Variants in NR5A2 observed in about 807,000 individuals in gnomAD.
NR5A2 encodes nuclear receptor subfamily 5 group A member 2.
In NR5A2, 26 loss-of-function variants were observed where a neutral mutation model predicts 62.7. That is an observed-to-expected ratio of 0.41 (90% CI 0.30 to 0.58). The LOEUF (loss-of-function observed/expected upper bound fraction) is 0.58, where lower values mean the gene tolerates loss of function less well. NR5A2 is among the 20% of genes least tolerant of loss of function. The pLI, the probability that NR5A2 is intolerant of heterozygous loss-of-function variation, is 0.22. For missense variants in NR5A2, 541 were observed against 669.1 expected (o/e 0.81, Z 2.11); for synonymous variants, 246 against 241.7 (o/e 1.02, Z -0.16).
At chr1:200,125,046 A>G (rs1486768715) in intron 7 of NR5A2, among the ~76,000 whole-genome samples, 2 of 152,226 alleles carry the variant, frequency 1.3e-5, no homozygotes, top group Non-Finnish European at 2.9e-5. Context: ...ACTTTTTCCA[A>G]AGAACTCTCT....
chr1:200,108,216 C>T (rs1225001826), intron 5 of NR5A2, among the ~76,000 whole-genome samples: 1 of 151,980 alleles, frequency 6.6e-6, no homozygotes, highest in Non-Finnish European at 1.5e-5. Flanking sequence ...ACCTCAGCCT[C>T]CGGAGTAGCA....
chr1:200,143,303 A>C (rs1289391878), intron 7 of NR5A2, among the ~76,000 whole-genome samples: 1 of 152,174 alleles, frequency 6.6e-6, no homozygotes, highest in African/African-American at 2.4e-5. Context: ...AGATCCAGTC[A>C]CAGAGGCAGT....
At chr1:200,042,434 T>C (rs1662147217) in intron 2 of NR5A2, among the ~76,000 whole-genome samples, 1 of 152,250 alleles carries the variant, frequency 6.6e-6, no homozygotes, top group South Asian at 2.1e-4. Flanking sequence ...GCGGCGATAC[T>C]GTGGCGGAGG....
At chr1:200,074,759 C>T (rs116562098) in intron 5 of NR5A2, among the ~76,000 whole-genome samples, 9,083 of 89,822 alleles carry the variant, frequency 0.1, 452 homozygotes, top group Middle Eastern at 0.13. Flanking sequence ...AAAAAAAACA[C>T]GAGAGAAACA....
chr1:200,146,309 G>C (rs548107026), intron 7 of NR5A2, among the ~76,000 whole-genome samples: 11 of 152,288 alleles, frequency 7.2e-5, no homozygotes, highest in Admixed American at 2.0e-4. Flanking sequence ...ATATAAAGAA[G>C]AAATAATGAT....
chr1:200,176,986 A>C lies in NR5A2; in HGVS notation c.*2776A>C, dbSNP rs971321819. On this transcript the variant is annotated 3_prime_UTR_variant, in exon 8 of 8. Transcript: ENST00000367362. ...CACTGCTGATCACACCAACGACAGGAGCTGATAAGCAAGAAAGCGTCACAG... is the reference window on the plus strand; with the variant it reads ...CACTGCTGATCACACCAACGACAGGCGCTGATAAGCAAGAAAGCGTCACAG... The C allele has an allele frequency of 6.6e-6, 1 of 152,240 alleles. No individual in the cohort carries two copies. Among genetic ancestry groups the C allele is most frequent in the African/African-American group, 2.4e-5 (1 of 41,458 alleles). 9.4% of individuals were successfully genotyped at this position (152,240 alleles called of 1,614,324 possible). A position where few individuals can be genotyped will look rare whatever the true frequency, so the allele number is the denominator to read the frequency against.
At position 200,050,587 on chromosome 1, in the gene NR5A2, T is replaced by C. The variant is rs563390502; in HGVS notation, c.1110+1769T>C. ...CTACATACTCAGTAAAGTGTGGTGCTGTTTTAAATTGATATTACTGGGGCC... is the reference window on the plus strand; with the variant it reads ...CTACATACTCAGTAAAGTGTGGTGCCGTTTTAAATTGATATTACTGGGGCC... On this transcript the variant is annotated intron_variant, in intron 5 of 7. Transcript: ENST00000367362. Among the ~76,000 whole-genome samples the C allele has an allele frequency of 3.9e-5, 6 of 152,334 alleles. No individual in the cohort carries two copies. In the South Asian group the frequency reaches 1.2e-3, roughly 32 times the overall value.
At position 200,062,227 on chromosome 1, in the gene NR5A2, T is replaced by TGTG. The variant is rs1663256673; in HGVS notation, c.1110+13409_1110+13410insGTG. Among the ~76,000 whole-genome samples, 196 of 145,756 alleles carry TGTG rather than the reference T, an allele frequency of 1.3e-3. 1 individual carries two copies. The highest frequency in any genetic ancestry group is 3.7e-3 in the African/African-American group (144 of 39,348). ...CCCAAATAATTCTCCCTGGCAGATT[T>TGTG]TGTGTGTGTGTGTGTGTGTGTGTGT... On this transcript the variant is annotated intron_variant, in intron 5 of 7. Transcript: ENST00000367362.
At chr1:200,120,693 T>TA (rs1666440381) in intron 6 of NR5A2, 115 bp from the exon 7 acceptor site, 1 of 1,077,686 alleles carries the variant, frequency 9.3e-7, no homozygotes, top group Non-Finnish European at 1.3e-6. Context: ...CCCACATCTC[T>TA]ATTCTATTTT....
At position 200,135,676 on chromosome 1, in the gene NR5A2, C is replaced by T. The variant is rs566868927; in HGVS notation, c.1378+14721C>T. The stretch of plus-strand genomic sequence containing the variant: ...TCTTGTTCTATTGTATCCTTAGGAA[C>T]GTGTATCACCTCACTTTTTTCCATC... On this transcript the variant is annotated intron_variant, in intron 7 of 7. Coordinates refer to ENST00000367362, the MANE Select transcript of NR5A2 (RefSeq NM_205860.3). Among the ~76,000 whole-genome samples, 7 of 152,196 alleles carry T rather than the reference C, an allele frequency of 4.6e-5. No individual in the cohort carries two copies. The South Asian group carries it at 1.0e-3, about 23-fold the overall frequency.
intron 2 of NR5A2, 33 bp from the exon 3 acceptor site, chr1:200,043,741 G>C (rs905460417): frequency 7.4e-7 from 1 of 1,359,872 alleles, no homozygotes. Flanking sequence ...TAAATTAATT[G>C]AATATGTGTA....
chr1:200,074,756 A>AAAAAAAAAAAAAAAAAC (rs1304164782), intron 5 of NR5A2, among the ~76,000 whole-genome samples: 1 of 137,692 alleles, frequency 7.3e-6, no homozygotes, highest in African/African-American at 2.7e-5. Flanking sequence ...AAAAAAAAAA[A>AAAAAAAAAAAAAAAAAC]CACGAGAGAA....
chr1:200,027,961 C>T, intron 1 of NR5A2, 50 bp downstream of exon 1: 1 of 1,261,282 alleles, frequency 7.9e-7, no homozygotes, highest in Non-Finnish European at 1.1e-6. Flanking sequence ...CTACTACATA[C>T]ATATAATTTA....
chr1:200,166,144 T>TA (rs1653889571), intron 7 of NR5A2, among the ~76,000 whole-genome samples: 1 of 152,186 alleles, frequency 6.6e-6, no homozygotes. Flanking sequence ...ACCATTCCCT[T>TA]TGAACATTGG....
chr1:200,096,907 A>G (rs907168676), intron 5 of NR5A2, among the ~76,000 whole-genome samples: 2 of 152,192 alleles, frequency 1.3e-5, no homozygotes, highest in Non-Finnish European at 2.9e-5. Context: ...GCTACCATCT[A>G]GGTTTGTGTA....
rs552478962 is a variant in NR5A2 at position 200,133,524 on chromosome 1, T to C, written c.1378+12569T>C. ...GATGGACTATATATATATATATATATATACACACACATATATATATATACA... is the reference window on the plus strand; with the variant it reads ...GATGGACTATATATATATATATATACATACACACACATATATATATATACA... On this transcript the variant is annotated intron_variant, in intron 7 of 7. Transcript: ENST00000367362. Among the ~76,000 whole-genome samples the C allele has an allele frequency of 4.9e-3, 473 of 96,850 alleles. 2 individuals carry two copies. Among genetic ancestry groups the C allele is most frequent in the African/African-American group, 0.021 (464 of 21,882 alleles). The allele number at this position is 96,850 out of a possible 152,430, so 63.5% of individuals were successfully genotyped here. A position where few individuals can be genotyped will look rare whatever the true frequency, so the allele number is the denominator to read the frequency against.
chr1:200,110,831 T>A (rs2821327), intron 5 of NR5A2, among the ~76,000 whole-genome samples: 4,025 of 152,268 alleles, frequency 0.026, 162 homozygotes, highest in African/African-American at 0.089. Context: ...TACATAAGCA[T>A]AGGCAATCTG....
intron 7 of NR5A2, among the ~76,000 whole-genome samples, chr1:200,135,351 T>A (rs886070926): frequency 1.3e-5 from 2 of 152,040 alleles, no homozygotes; most frequent in Admixed American, 6.6e-5. Context: ...TGAAACCCCG[T>A]CTCTACTAAA....
In NR5A2 at chr1:200,048,319, C is replaced by T; in HGVS notation, c.611C>T (p.Pro204Leu). 6.2e-7 allele frequency: 1 copy of T among 1,614,116 alleles called. No individual in the cohort carries two copies. The highest frequency in any genetic ancestry group is 2.2e-5 in the East Asian group (1 of 44,882). ...EAMSQVIQAM[P>L]SDLTISSAIQ... ...ATGTCTCAGGTGATCCAAGCTATGC[C>T]CTCTGACCTGACCATTTCCTCTGCA... Residue 204 changes from proline (P) to leucine (L), a missense_variant, in exon 5 of 8, where the codon CCC becomes CTC. This residue lies in a region of NR5A2 where 379 missense variants were observed against 442.0 expected (regional missense o/e 0.86). Transcript: ENST00000367362. The surrounding 1 kb of genome is among the most constrained non-coding windows in gnomAD (Gnocchi z 4.8).
Sources: allele counts gnomAD v4.1 joint callset (sites outside exome capture counted in the v4.1 genomes callset), GRCh38; gene constraint gnomAD v4.1.1; regional missense constraint gnomAD v4.1.1; non-coding constraint Gnocchi (gnomAD v3.1); transcripts MANE v1.5; gene names NCBI Gene and HGNC (gene_info 2026-07-23, HGNC 2026-07-21).